Variants in JKAMP observed in about 807,000 individuals in gnomAD.
JKAMP encodes JNK1/MAPK8 associated membrane protein.
In JKAMP, 20 loss-of-function variants were observed where a neutral mutation model predicts 40.2. The ratio of observed to expected loss-of-function variants is 0.50; its 90% CI spans 0.35 to 0.72. The LOEUF is 0.72. Ranked by LOEUF, JKAMP falls within the 30% of genes least tolerant of loss-of-function variation. The pLI, the probability that JKAMP is intolerant of heterozygous loss-of-function variation, is 0.01. For synonymous variants in JKAMP, 138 were observed against 131.6 expected, an observed-to-expected ratio of 1.05 and a Z score of -0.33; for missense variants, 276 against 373.0, an observed-to-expected ratio of 0.74 and a Z score of 2.14.
chr14:59,486,674 A>T (rs1161463445), intron 1 of JKAMP, 39 bp from the exon 2 acceptor site: 26 of 1,368,668 alleles, frequency 1.9e-5, no homozygotes, highest in Middle Eastern at 1.8e-4. Flanking sequence ...TTTTATAATC[A>T]CAAAAGATGT....
rs1172897724 is a variant in JKAMP at position 59,495,214 on chromosome 14, G to T, written c.448G>T (p.Val150Phe). 6.2e-7 allele frequency: 1 copy of T among 1,604,362 alleles called. No individual in the cohort carries two copies. Among genetic ancestry groups the T allele is most frequent in the Non-Finnish European group, 8.5e-7 (1 of 1,171,390 alleles). The change falls in exon 4 of 7, where the codon GTC (valine) becomes TTC (phenylalanine). Residue 150 changes from valine (V) to phenylalanine (F), a missense_variant. Val to Phe is a conservative substitution (Grantham distance 50). Coordinates refer to ENST00000616435, the MANE Select transcript of JKAMP (RefSeq NM_016475.5). ...VTTVHCTHEA[V>F]YPLYTIVFIY... ...CACAGTACACTGTACTCATGAAGCC[G>T]TCTACCCACTGTAAGTGTTTATTTC...
At position 59,490,659 on chromosome 14, in the gene JKAMP, A is replaced by G. The variant is rs115441072; in HGVS notation, c.251+2831A>G. Among the ~76,000 whole-genome samples, 1,116 of 152,348 alleles carry G rather than the reference A, an allele frequency of 7.3e-3. 14 individuals are homozygous for G. The highest frequency in any genetic ancestry group is 0.025 in the African/African-American group (1,055 of 41,580). On this transcript the variant is annotated intron_variant, in intron 3 of 6. Transcript: ENST00000616435. ...TAATAAATCCAGGGTGGTTATTTAC[A>G]TTGGGAAAGCATTTATAATTTTTTA... is the stretch of plus-strand genomic sequence containing the variant.
chr14:59,495,422 T>C lies in JKAMP; in HGVS notation c.458+198T>C, dbSNP rs965612444. ...GGTAAAATGGGAATAATGATCCTTA[T>C]AAGGTGTCGTGAGGATTAAATTAAT... On this transcript the variant is annotated intron_variant, in intron 4 of 6. Coordinates refer to ENST00000616435, the MANE Select transcript of JKAMP (RefSeq NM_016475.5). The C allele has an allele frequency of 2.9e-5, 16 of 542,412 alleles. No homozygotes were observed. The South Asian group carries it at 3.1e-4, about 10-fold the overall frequency. 33.6% of individuals were successfully genotyped at this position (542,412 alleles called of 1,614,324 possible).
At chr14:59,495,341 G>C (rs1417734434) in intron 4 of JKAMP, 117 bp downstream of exon 4, 3 of 695,620 alleles carry the variant, frequency 4.3e-6, no homozygotes, top group Non-Finnish European at 7.4e-6. Flanking sequence ...GGGTCTGCCA[G>C]CGGCTTTATT....
In JKAMP at chr14:59,504,410, CA is replaced by C. The variant is rs1892194871; in HGVS notation, c.*339del. The stretch of plus-strand genomic sequence containing the variant: ...CCCATTTTATTAAGAAAAGCTTTAA[CA>C]CGTGTAATCTGCAGTCCTTAACAGT... On this transcript the variant is annotated 3_prime_UTR_variant, in exon 7 of 7. Transcript: ENST00000616435. 1 of 233,292 alleles carries C rather than the reference CA, an allele frequency of 4.3e-6. No individual in the cohort carries two copies. Among genetic ancestry groups the C allele is most frequent in the East Asian group, 9.6e-5 (1 of 10,420 alleles). The allele number at this position is 233,292 out of a possible 1,614,324, so 14.5% of individuals were successfully genotyped here.
At chr14:59,502,773 T>TTGTTTTTTTTTTTTTTTTTTTTTTTTG (rs796697193) in intron 6 of JKAMP, among the ~76,000 whole-genome samples, 1 of 102,836 alleles carries the variant, frequency 9.7e-6, no homozygotes, top group African/African-American at 3.9e-5. Context: ...TTTTTTTTTT[T>TTGTTTTTTTTTTTTTTTTTTTTTTTTG]CGGAGTCTCA....
chr14:59,499,740 TG>T (rs1267975298), intron 5 of JKAMP, among the ~76,000 whole-genome samples: 1 of 152,132 alleles, frequency 6.6e-6, no homozygotes, highest in African/African-American at 2.4e-5. Context: ...TTCAAGGTGA[TG>T]GTGGGGCTTG....
chr14:59,502,755 T>TGTTGTTTTTTTG (rs67189643), intron 6 of JKAMP, among the ~76,000 whole-genome samples: 190 of 122,946 alleles, frequency 1.5e-3, no homozygotes, highest in African/African-American at 5.3e-3. Context: ...ATGAGATTTT[T>TGTTGTTTTTTTG]TTTTTTTTTT....
intron 6 of JKAMP, among the ~76,000 whole-genome samples, chr14:59,503,128 CT>C (rs11289929): frequency 0.39 from 59,072 of 151,656 alleles, 12,234 homozygotes; most frequent in African/African-American, 0.52. Context: ...TTCTCTGCCC[CT>C]GTGAATCTCC....
At chr14:59,484,796 C>A in intron 1 of JKAMP, 1 of 899,964 alleles carries the variant, frequency 1.1e-6, no homozygotes, top group Non-Finnish European at 1.6e-6. Context: ...AGGGGAGGCG[C>A]GCTGTCTGCG....
chr14:59,501,344 A>AT, intron 6 of JKAMP, 77 bp downstream of exon 6: 1 of 871,636 alleles, frequency 1.1e-6, no homozygotes. Context: ...TCCATATGAT[A>AT]TGATATAGTA....
At chr14:59,500,955 C>T (rs1470934862) in intron 5 of JKAMP, 2 of 427,766 alleles carry the variant, frequency 4.7e-6, no homozygotes, top group Middle Eastern at 6.1e-4. Context: ...TGCTTTCCCA[C>T]TACAACTGCA....
Position 59,498,894 on chromosome 14 carries a change from G to T in JKAMP, c.626G>T (p.Gly209Val), listed in dbSNP as rs1201651644. ...FPILTVLQAV[G>V]GGLLYYAFPY... is the part of the protein sequence containing the mutation. ...ATTTTAACCGTGCTTCAGGCAGTTG[G>T]TGGAGGCCTTTTATGTAAGTTTGAT... Residue 209 changes from glycine (G) to valine (V), a missense_variant, in exon 5 of 7, where the codon GGT becomes GTT. Gly to Val is a moderately radical substitution (Grantham distance 109, BLOSUM62 -3). Coordinates refer to ENST00000616435, the MANE Select transcript of JKAMP (RefSeq NM_016475.5). 2.5e-6 allele frequency: 4 copies of T among 1,604,526 alleles called. No homozygotes were observed. Among genetic ancestry groups the T allele is most frequent in the Non-Finnish European group, 3.4e-6 (4 of 1,175,130 alleles).
At chr14:59,496,626 T>A (rs929583735) in intron 4 of JKAMP, among the ~76,000 whole-genome samples, 1 of 152,180 alleles carries the variant, frequency 6.6e-6, no homozygotes, top group African/African-American at 2.4e-5. Flanking sequence ...TAGTCACTTC[T>A]AATTTATTGT....
chr14:59,485,238 C>T, intron 1 of JKAMP: 1 of 1,052,292 alleles, frequency 9.5e-7, no homozygotes, highest in Non-Finnish European at 1.4e-6. Flanking sequence ...AGATGTAAAG[C>T]CCATACAGAA....
intron 4 of JKAMP, among the ~76,000 whole-genome samples, chr14:59,498,215 G>C (rs1023283439): frequency 6.6e-6 from 1 of 152,162 alleles, no homozygotes; most frequent in Admixed American, 6.5e-5. Flanking sequence ...GCTATACTAT[G>C]ACATGCTATC....
At chr14:59,492,542 A>C (rs552627729) in intron 3 of JKAMP, among the ~76,000 whole-genome samples, 43 of 152,292 alleles carry the variant, frequency 2.8e-4, no homozygotes, top group African/African-American at 1.0e-3. Flanking sequence ...TGGTATCCCC[A>C]TCAGGCATTT....
chr14:59,499,748 C>T (rs1891732604), intron 5 of JKAMP, among the ~76,000 whole-genome samples: 1 of 152,052 alleles, frequency 6.6e-6, no homozygotes, highest in African/African-American at 2.4e-5. Flanking sequence ...GATGGTGGGG[C>T]TTGAGGGTAA....
chr14:59,501,010 A>ACTAT (rs1891837970), intron 5 of JKAMP, 181 bp from the exon 6 acceptor site: 1 of 542,140 alleles, frequency 1.8e-6, no homozygotes, highest in Non-Finnish European at 3.2e-6. Flanking sequence ...GAAACTATTT[A>ACTAT]CTATCTTGCC....
Sources: gnomAD v4.1 joint callset for allele counts (sites outside exome capture counted in the v4.1 genomes callset) on GRCh38, gnomAD v4.1.1 for gene constraint, MANE v1.5 for transcripts, NCBI Gene and HGNC (gene_info 2026-07-23, HGNC 2026-07-21) for gene names.